The following SYNE2 variants were observed in gnomAD, a reference collection of about 807,000 sequenced individuals.
SYNE2 encodes nesprin-2.
SYNE2 carries 431 observed loss-of-function variants against 856.3 expected under a neutral mutation model. The ratio of observed to expected loss-of-function variants is 0.50; its 90% CI spans 0.47 to 0.55. The LOEUF is 0.55. Among genes scored for constraint, SYNE2 ranks in the 20% least tolerant of loss-of-function variants. The probability of loss-of-function intolerance (pLI) is 0.00; values close to 1 mark genes in which losing one functional copy is unlikely to be tolerated. For synonymous variants in SYNE2, 2,923 were observed against 2,872.3 expected (o/e 1.02, Z -0.56); for missense variants, 8,129 against 8,023.2 (o/e 1.01, Z -0.50).
intron 43 of SYNE2, 28 bp downstream of exon 43, chr14:64,027,821 T>C (rs752847891): frequency 5.6e-5 from 87 of 1,566,936 alleles, no homozygotes; most frequent in Non-Finnish European, 6.8e-5. Context: ...ATGCTTTAAA[T>C]GATTGTTCTA....
chr14:63,781,278 CAA>C (rs60075405), intron 1 of SYNE2, among the ~76,000 whole-genome samples: 31 of 80,594 alleles, frequency 3.8e-4, no homozygotes, highest in African/African-American at 2.4e-4. Flanking sequence ...AACTCCAACT[CAA>C]AAAAAAAAAA....
At chr14:63,886,614 C>T (rs1476279036) in intron 1 of SYNE2, among the ~76,000 whole-genome samples, 5 of 152,032 alleles carry the variant, frequency 3.3e-5, no homozygotes, top group Non-Finnish European at 7.4e-5. Flanking sequence ...TTATCTTGTA[C>T]TTATTGGAGT....
chr14:63,794,970 G>C (rs1256482088), intron 1 of SYNE2, among the ~76,000 whole-genome samples: 4 of 152,148 alleles, frequency 2.6e-5, no homozygotes, highest in Non-Finnish European at 5.9e-5. Context: ...GTTTTTATTT[G>C]TTTGTGACGG....
rs769303659 is a variant in SYNE2, at chr14:64,141,427, T to G, written c.15063T>G (p.Thr5021=). The part of the protein sequence containing the change: ...IGNQLLHLKE[T]DTATLRASLA... ...ACCAGCTTCTTCACCTGAAAGAAAC[T>G]GATACAGCTACACTGAGAGCTTCTT... The change falls in exon 81 of 116, where the codon ACT becomes ACG. Residue 5021 remains threonine (T), a synonymous_variant. Coordinates refer to ENST00000555002, the MANE Select transcript of SYNE2 (RefSeq NM_182914.3). 6.2e-7 allele frequency: 1 copy of G among 1,614,128 alleles called. No individual in the cohort carries two copies. Among genetic ancestry groups the G allele is most frequent in the South Asian group, 1.1e-5 (1 of 91,082 alleles).
intron 1 of SYNE2, among the ~76,000 whole-genome samples, chr14:63,780,263 G>A (rs1274967307): frequency 1.3e-5 from 2 of 152,230 alleles, no homozygotes; most frequent in East Asian, 3.8e-4. Context: ...GCCAGGCATT[G>A]TGGCTCATGC....
At chr14:63,776,182 A>G (rs1186467301) in intron 1 of SYNE2, among the ~76,000 whole-genome samples, 3 of 152,186 alleles carry the variant, frequency 2.0e-5, no homozygotes, top group Non-Finnish European at 4.4e-5. Flanking sequence ...CAAGTCTGAA[A>G]CTTGCAACAA....
chr14:64,210,634 A>G (rs1235615687), intron 103 of SYNE2, among the ~76,000 whole-genome samples: 2 of 152,196 alleles, frequency 1.3e-5, no homozygotes, highest in Admixed American at 1.3e-4. Flanking sequence ...TTGGTTTTTG[A>G]AGGTAAATAT....
chr14:63,996,500 T>C (rs189935737), intron 23 of SYNE2, among the ~76,000 whole-genome samples: 223 of 152,226 alleles, frequency 1.5e-3, no homozygotes, highest in African/African-American at 4.9e-3. Context: ...CTGTGCCGTG[T>C]ACTCCAGCCC....
intron 2 of SYNE2, among the ~76,000 whole-genome samples, chr14:63,936,981 T>G (rs1358091116): frequency 6.6e-6 from 1 of 152,028 alleles, no homozygotes; most frequent in African/African-American, 2.4e-5. Flanking sequence ...GGAGGCAACC[T>G]TGATGAAGGA....
intron 1 of SYNE2, among the ~76,000 whole-genome samples, chr14:63,813,259 T>A (rs1888688032): frequency 6.6e-6 from 1 of 152,248 alleles, no homozygotes; most frequent in Non-Finnish European, 1.5e-5. Flanking sequence ...AGTCTTATTG[T>A]CATTGTCTTT....
At chr14:64,025,071 T>C in intron 40 of SYNE2, 40 bp downstream of exon 40, 17 of 1,614,018 alleles carry the variant, frequency 1.1e-5, no homozygotes, top group Non-Finnish European at 1.4e-5. Context: ...CCTGAGATTA[T>C]GGTTTCTTCC....
intron 19 of SYNE2, among the ~76,000 whole-genome samples, chr14:63,989,292 G>A (rs1160425151): frequency 1.3e-5 from 2 of 151,958 alleles, no homozygotes; most frequent in Non-Finnish European, 2.9e-5. Flanking sequence ...CCTACTCTTA[G>A]GCTTCGAAAG....
intron 1 of SYNE2, among the ~76,000 whole-genome samples, chr14:63,853,448 G>A (rs1002947551): frequency 2.0e-5 from 3 of 151,594 alleles, no homozygotes; most frequent in African/African-American, 7.3e-5. Context: ...CCGGGCCCCA[G>A]CCCGCCGGTC....
rs767766409 is a variant in SYNE2 at position 64,002,801 on chromosome 14, C to T, written c.3868C>T (p.His1290Tyr). The change falls in exon 30 of 116, where the codon CAC becomes TAC. Residue 1290 changes from histidine to tyrosine, a missense_variant. Transcript: ENST00000555002. ...AGGCAACTTTGTATTAAAGGAGTTACACCCATTTGATCTACACGCAATGCA... is the reference window on the plus strand; with the variant it reads ...AGGCAACTTTGTATTAAAGGAGTTATACCCATTTGATCTACACGCAATGCA... ...EPGNFVLKELHPFDLHAMQNI... is the reference protein window; with the variant it reads ...EPGNFVLKELYPFDLHAMQNI... 1 of 1,606,862 alleles carries T rather than the reference C, an allele frequency of 6.2e-7. No individual in the cohort carries two copies. Among genetic ancestry groups the T allele is most frequent in the Admixed American group, 1.7e-5 (1 of 59,408 alleles).
At chr14:63,914,694 G>C (rs2095514046) in intron 2 of SYNE2, among the ~76,000 whole-genome samples, 1 of 152,182 alleles carries the variant, frequency 6.6e-6, no homozygotes, top group South Asian at 2.1e-4. Context: ...AGGTAGAAAG[G>C]CTCCAAGGTT....
At chr14:64,058,264 C>T (rs2097288958) in intron 49 of SYNE2, among the ~76,000 whole-genome samples, 2 of 152,080 alleles carry the variant, frequency 1.3e-5, no homozygotes, top group Non-Finnish European at 2.9e-5. Context: ...AGATTTAAAT[C>T]TTTAATCCAT....
At chr14:63,909,887 G>A (rs1256681245) in intron 2 of SYNE2, among the ~76,000 whole-genome samples, 1 of 152,186 alleles carries the variant, frequency 6.6e-6, no homozygotes, top group Non-Finnish European at 1.5e-5. Flanking sequence ...GTCCTGATAG[G>A]AAGAGAGGTA....
At chr14:63,971,428 A>T (rs1369872844) in intron 11 of SYNE2, among the ~76,000 whole-genome samples, 1 of 152,030 alleles carries the variant, frequency 6.6e-6, no homozygotes, top group Non-Finnish European at 1.5e-5. Context: ...AGAGTTGTAC[A>T]ATATCTAAGT....
chr14:64,193,078 G>A (rs898398565), intron 99 of SYNE2, among the ~76,000 whole-genome samples: 1 of 152,192 alleles, frequency 6.6e-6, no homozygotes, highest in Non-Finnish European at 1.5e-5. Context: ...CAAAGGAAGG[G>A]AAGGGTTGGA....
Sources: allele counts gnomAD v4.1 joint callset (sites outside exome capture counted in the v4.1 genomes callset), GRCh38; gene constraint gnomAD v4.1.1; transcripts MANE v1.5; gene names NCBI Gene and HGNC (gene_info 2026-07-23, HGNC 2026-07-21).